The following SHANK2 variants were observed in gnomAD, a reference collection of about 807,000 sequenced individuals.
SHANK2 encodes the protein SH3 and multiple ankyrin repeat domains protein 2.
In SHANK2, 43 loss-of-function variants were observed where a neutral mutation model predicts 133.7. The ratio of observed to expected loss-of-function variants is 0.32; its 90% CI spans 0.25 to 0.41. The LOEUF (loss-of-function observed/expected upper bound fraction) is 0.41. Among genes scored for constraint, SHANK2 ranks in the 10% least tolerant of loss-of-function variants. The probability of loss-of-function intolerance (pLI) is 1.00; values close to 1 mark genes in which losing one functional copy is unlikely to be tolerated. For synonymous variants in SHANK2, 1,017 were observed against 952.8 expected, an observed-to-expected ratio of 1.07 and a Z score of -1.24; for missense variants, 1,994 against 2,235.8, an observed-to-expected ratio of 0.89 and a Z score of 2.18.
intron 4 of SHANK2, 61 bp from the exon 5 acceptor site, chr11:71,113,425 G>C: frequency 2.7e-6 from 4 of 1,454,962 alleles, no homozygotes; most frequent in South Asian, 2.4e-5. Context: ...GTTGTTCAGA[G>C]GGAAAACGGG....
intron 14 of SHANK2, among the ~76,000 whole-genome samples, chr11:70,733,996 G>A (rs147841836): frequency 1.3e-5 from 2 of 152,170 alleles, no homozygotes; most frequent in African/African-American, 4.8e-5. Context: ...ACTTGCTCGC[G>A]CACTCACACA....
intron 16 of SHANK2, among the ~76,000 whole-genome samples, chr11:70,660,559 G>A (rs902940398): frequency 1.2e-4 from 18 of 152,212 alleles, no homozygotes; most frequent in Non-Finnish European, 2.4e-4. Context: ...GCCCAGCACA[G>A]TGAGGCTTGG....
intron 17 of SHANK2, among the ~76,000 whole-genome samples, chr11:70,584,491 C>T (rs2060222635): frequency 6.6e-6 from 1 of 152,140 alleles, no homozygotes; most frequent in African/African-American, 2.4e-5. Flanking sequence ...TATCCGGGTC[C>T]CATGCTCCCA....
chr11:71,235,509 A>T (rs1463580079), intron 1 of SHANK2, among the ~76,000 whole-genome samples: 1 of 151,344 alleles, frequency 6.6e-6, no homozygotes, highest in Non-Finnish European at 1.5e-5. Flanking sequence ...CAGGAAAATC[A>T]CTTGAACCCA....
chr11:70,889,861 A>G (rs1332219503), intron 11 of SHANK2, among the ~76,000 whole-genome samples: 1 of 152,102 alleles, frequency 6.6e-6, no homozygotes, highest in Non-Finnish European at 1.5e-5. Flanking sequence ...CTGGGAATGG[A>G]GGATGGAGAG....
chr11:70,832,295 CT>C (rs1948737367), intron 11 of SHANK2, among the ~76,000 whole-genome samples: 1 of 145,410 alleles, frequency 6.9e-6, no homozygotes, highest in Admixed American at 6.7e-5. Flanking sequence ...AATCCTCCTG[CT>C]TTGCCCTATC....
chr11:71,114,613 T>C (rs1414287908), intron 4 of SHANK2, among the ~76,000 whole-genome samples: 2 of 152,048 alleles, frequency 1.3e-5, no homozygotes, highest in Non-Finnish European at 2.9e-5. Flanking sequence ...GGGGAGAAAG[T>C]GCGCTGGTCA....
At chr11:71,171,499 G>A (rs988954710) in intron 2 of SHANK2, among the ~76,000 whole-genome samples, 1 of 152,174 alleles carries the variant, frequency 6.6e-6, no homozygotes, top group Non-Finnish European at 1.5e-5. Context: ...CTTACTGGCC[G>A]CTGGTCAAGT....
chr11:71,121,196 C>T (rs1555101416), intron 3 of SHANK2, among the ~76,000 whole-genome samples: 2 of 152,242 alleles, frequency 1.3e-5, no homozygotes, highest in African/African-American at 4.8e-5. Flanking sequence ...CCCAGCAGTC[C>T]TCTGATTCCC....
chr11:70,570,023 C>A (rs2136173739), intron 17 of SHANK2, among the ~76,000 whole-genome samples: 1 of 152,214 alleles, frequency 6.6e-6, no homozygotes, highest in Non-Finnish European at 1.5e-5. Context: ...TTGAGTCTCC[C>A]CCTGCACATT....
intron 12 of SHANK2, among the ~76,000 whole-genome samples, chr11:70,816,304 C>T (rs145560277): frequency 1.2e-3 from 183 of 152,344 alleles, no homozygotes; most frequent in Admixed American, 4.5e-3. Flanking sequence ...GGTCAGCTGG[C>T]GGGTGGGTAG....
chr11:70,753,451 A>G (rs532379082), intron 14 of SHANK2, among the ~76,000 whole-genome samples: 1 of 152,340 alleles, frequency 6.6e-6, no homozygotes, highest in East Asian at 1.9e-4. Context: ...AAAGAACAAA[A>G]TCAACTCAAA....
At chr11:71,183,014 T>C (rs1953590342) in intron 2 of SHANK2, among the ~76,000 whole-genome samples, 1 of 152,176 alleles carries the variant, frequency 6.6e-6, no homozygotes, top group Non-Finnish European at 1.5e-5. Context: ...ATCTCTGACC[T>C]GGGAGTCTTG....
At chr11:70,715,441 C>T (rs945508521) in intron 14 of SHANK2, among the ~76,000 whole-genome samples, 4 of 152,198 alleles carry the variant, frequency 2.6e-5, no homozygotes, top group Non-Finnish European at 5.9e-5. Context: ...GCCCTTCTTG[C>T]AGCTCTCGGG....
chr11:70,860,871 CA>C (rs1949247783), intron 11 of SHANK2, among the ~76,000 whole-genome samples: 1 of 152,174 alleles, frequency 6.6e-6, no homozygotes, highest in East Asian at 1.9e-4. Context: ...AACAAACAAA[CA>C]AAAAAGAAAT....
intron 2 of SHANK2, among the ~76,000 whole-genome samples, chr11:71,152,549 C>G (rs1555108278): frequency 2.6e-5 from 4 of 152,244 alleles, no homozygotes; most frequent in African/African-American, 9.6e-5. Context: ...CCACAGCCCC[C>G]GCTGCTGCCG....
rs1948710922 is a variant in SHANK2 at position 70,830,521 on chromosome 11, G to A, written c.1175-9839C>T. ...GCCACCGACCAGGTGACCTTGGAGAGCTGGGGAAGCAGAGGCGGGTGCACA... is the reference window on the plus strand; with the variant it reads ...GCCACCGACCAGGTGACCTTGGAGAACTGGGGAAGCAGAGGCGGGTGCACA... On this transcript the variant is annotated intron_variant, in intron 11 of 25. Coordinates refer to ENST00000601538, the MANE Select transcript of SHANK2 (RefSeq NM_012309.5). The surrounding 1 kb of genome is among the most constrained non-coding windows in gnomAD (Gnocchi z 4.4). 6.6e-6 allele frequency among the ~76,000 whole-genome samples: 1 copy of A among 152,238 alleles called. No individual in the cohort carries two copies. Among genetic ancestry groups the A allele is most frequent in the Non-Finnish European group, 1.5e-5 (1 of 68,048 alleles).
intron 2 of SHANK2, among the ~76,000 whole-genome samples, chr11:71,178,238 TA>T (rs1953483762): frequency 6.6e-6 from 1 of 152,240 alleles, no homozygotes; most frequent in African/African-American, 2.4e-5. Flanking sequence ...TACAGTGGAA[TA>T]AAACTCAGTC....
At chr11:70,544,720 G>A (rs1489331455) in intron 17 of SHANK2, among the ~76,000 whole-genome samples, 4 of 152,216 alleles carry the variant, frequency 2.6e-5, no homozygotes, top group Admixed American at 2.6e-4. Context: ...CAAAAGGGGA[G>A]GCCCCTGCTG....
Sources: gnomAD v4.1 joint callset for allele counts (sites outside exome capture counted in the v4.1 genomes callset) on GRCh38, gnomAD v4.1.1 for gene constraint, Gnocchi (gnomAD v3.1) non-coding constraint, MANE v1.5 for transcripts, NCBI Gene and HGNC (gene_info 2026-07-23, HGNC 2026-07-21) for gene names.